Variants in UTRN observed in about 807,000 individuals in gnomAD.
The protein encoded by UTRN is dystrophin-related protein 1.
UTRN carries 283 observed loss-of-function variants against 463.9 expected under a neutral mutation model. That is an observed-to-expected ratio of 0.61 (90% CI 0.55 to 0.67). The LOEUF is 0.67. UTRN is among the 30% of genes least tolerant of loss of function. The probability of loss-of-function intolerance (pLI) is 0.00; values close to 1 mark genes in which losing one functional copy is unlikely to be tolerated. For synonymous variants in UTRN, 1,442 were observed against 1,431.5 expected (o/e 1.01, Z -0.17); for missense variants, 3,922 against 4,084.3 (o/e 0.96, Z 1.08).
At chr6:144,469,806 T>A (rs1038269816) in intron 23 of UTRN, among the ~76,000 whole-genome samples, 1 of 151,428 alleles carries the variant, frequency 6.6e-6, no homozygotes, top group Non-Finnish European at 1.5e-5. Context: ...CAGATAAACA[T>A]GTGAACAAAG....
At chr6:144,333,351 C>A (rs1318067628) in intron 2 of UTRN, 1 of 152,022 alleles carries the variant, frequency 6.6e-6, no homozygotes, top group Non-Finnish European at 1.5e-5. Flanking sequence ...TTTTTAGAGC[C>A]CATAAAATAG....
At chr6:144,291,393 T>G (rs1196919875) in intron 1 of UTRN, among the ~76,000 whole-genome samples, 1 of 152,240 alleles carries the variant, frequency 6.6e-6, no homozygotes, top group Non-Finnish European at 1.5e-5. Context: ...CTTTAAAGGC[T>G]TGGCTCAAAT....
At chr6:144,622,707 A>G (rs1156555795) in intron 51 of UTRN, among the ~76,000 whole-genome samples, 1 of 152,232 alleles carries the variant, frequency 6.6e-6, no homozygotes, top group Non-Finnish European at 1.5e-5. Flanking sequence ...GAAATAAAGC[A>G]TGAACATTTA....
chr6:144,286,317 G>A lies in UTRN; in HGVS notation c.-93+496G>A, dbSNP rs1435004700. Among the ~76,000 whole-genome samples the A allele has an allele frequency of 6.6e-6, 1 of 152,158 alleles. No individual in the cohort carries two copies. Among genetic ancestry groups the A allele is most frequent in the African/African-American group, 2.4e-5 (1 of 41,450 alleles). On this transcript the variant is annotated intron_variant, in intron 1 of 74. Coordinates refer to ENST00000367545, the MANE Select transcript of UTRN (RefSeq NM_007124.3). This position sits in a 1 kb window ranked among gnomAD's most constrained non-coding sequence, Gnocchi z 4.4. ...TGTCCACAGGAGAGGGTGGGCAGAG[G>A]GTGGCTGTGTGGTCGGCGGCCAGCG...
At chr6:144,457,919 C>T (rs1000842569) in intron 19 of UTRN, among the ~76,000 whole-genome samples, 11 of 152,140 alleles carry the variant, frequency 7.2e-5, no homozygotes, top group Middle Eastern at 3.4e-3. Context: ...TGTTTTCCTC[C>T]GAATAGAAAG....
intron 9 of UTRN, among the ~76,000 whole-genome samples, chr6:144,433,898 A>T (rs1786233345): frequency 7.2e-6 from 1 of 138,886 alleles, no homozygotes. Context: ...ATCCCAGACG[A>T]TGGGCGGCCA....
intron 19 of UTRN, among the ~76,000 whole-genome samples, chr6:144,455,971 G>A (rs1021306225): frequency 6.6e-6 from 1 of 152,066 alleles, no homozygotes; most frequent in Non-Finnish European, 1.5e-5. Context: ...GTCACCTAAT[G>A]TATACTTGCC....
chr6:144,449,073 A>G (rs1344942537), intron 17 of UTRN, among the ~76,000 whole-genome samples: 1 of 152,084 alleles, frequency 6.6e-6, no homozygotes, highest in East Asian at 1.9e-4. Flanking sequence ...ATGATTGTCC[A>G]TGACTGTCTT....
chr6:144,686,737 T>C (rs1782800947), intron 52 of UTRN, among the ~76,000 whole-genome samples: 1 of 152,180 alleles, frequency 6.6e-6, no homozygotes, highest in Admixed American at 6.5e-5. Context: ...TGGTTGCCAT[T>C]CGCATGTCAT....
chr6:144,665,964 T>A (rs1780345499), intron 51 of UTRN, among the ~76,000 whole-genome samples: 2 of 152,226 alleles, frequency 1.3e-5, no homozygotes, highest in African/African-American at 2.4e-5. Flanking sequence ...TTATGTTAAA[T>A]GCTTGGAAGA....
At chr6:144,788,947 T>C (rs1048129957) in intron 61 of UTRN, among the ~76,000 whole-genome samples, 2 of 152,256 alleles carry the variant, frequency 1.3e-5, no homozygotes, top group Admixed American at 6.5e-5. Flanking sequence ...TCTTAGTTTA[T>C]GTGTTGTGTG....
intron 71 of UTRN, chr6:144,838,909 C>T (rs909277551): frequency 4.6e-5 from 16 of 344,670 alleles, no homozygotes; most frequent in Admixed American, 3.6e-4. Context: ...AACATTAAAA[C>T]AACAGAAAAA....
At chr6:144,336,024 A>G (rs1776693183) in intron 2 of UTRN, among the ~76,000 whole-genome samples, 1 of 152,158 alleles carries the variant, frequency 6.6e-6, no homozygotes, top group South Asian at 2.1e-4. Flanking sequence ...GTGTGGTACC[A>G]GCTGCGGCAG....
intron 22 of UTRN, among the ~76,000 whole-genome samples, chr6:144,461,666 A>C (rs1789425102): frequency 6.6e-6 from 1 of 152,168 alleles, no homozygotes; most frequent in African/African-American, 2.4e-5. Flanking sequence ...TTTTTTCTGC[A>C]TCGAATAGGA....
rs1790908032 is a variant in UTRN, at chr6:144,473,765, T to C, written c.3112T>C (p.Phe1038Leu). The change falls in exon 24 of 75, where the codon TTC becomes CTC. Residue 1038 changes from phenylalanine to leucine, a missense_variant. Physicochemically the swap from Phe to Leu is conservative, Grantham distance 22 (BLOSUM62 0). Transcript: ENST00000367545. ...GAAGTGGATGGATGGCGTGAAAGAC[T>C]TCTTAATGAAACAGCAGGCTGCCCA... ...IEKWMDGVKD[F>L]LMKQQAAQGD... 6.2e-7 allele frequency: 1 copy of C among 1,614,050 alleles called. No homozygotes were observed. The highest frequency in any genetic ancestry group is 1.3e-5 in the African/African-American group (1 of 74,930).
intron 2 of UTRN, among the ~76,000 whole-genome samples, chr6:144,370,158 C>A (rs933227644): frequency 6.6e-6 from 1 of 152,090 alleles, no homozygotes; most frequent in Non-Finnish European, 1.5e-5. Context: ...GATGTTAATC[C>A]CCAAGACAGT....
intron 50 of UTRN, among the ~76,000 whole-genome samples, chr6:144,574,411 G>T (rs1384064520): frequency 6.6e-6 from 1 of 152,070 alleles, no homozygotes; most frequent in Admixed American, 6.6e-5. Context: ...TCAGTAGTTT[G>T]CTTATATTTA....
intron 54 of UTRN, among the ~76,000 whole-genome samples, chr6:144,731,133 G>A (rs1001438589): frequency 4.3e-4 from 65 of 151,346 alleles, no homozygotes; most frequent in African/African-American, 1.5e-3. Context: ...ATATCTATAT[G>A]TAAGGTTACT....
intron 65 of UTRN, among the ~76,000 whole-genome samples, chr6:144,807,969 GA>G (rs1452465928): frequency 6.6e-6 from 1 of 152,014 alleles, no homozygotes; most frequent in African/African-American, 2.4e-5. Context: ...TCTTTATTTT[GA>G]AGAAAAAACT....
Sources: gnomAD v4.1 joint callset for allele counts (sites outside exome capture counted in the v4.1 genomes callset) on GRCh38, gnomAD v4.1.1 for gene constraint, Gnocchi (gnomAD v3.1) non-coding constraint, MANE v1.5 for transcripts, NCBI Gene and HGNC (gene_info 2026-07-23, HGNC 2026-07-21) for gene names.